Variants in ATP8A1 observed in about 807,000 individuals in gnomAD.
ATP8A1 encodes the protein ATPase phospholipid transporting 8A1, also known as phospholipid-transporting ATPase IA.
A neutral mutation model predicts 177.7 loss-of-function variants in ATP8A1; 90 were observed. That is an observed-to-expected ratio of 0.51 (90% CI 0.43 to 0.60). ATP8A1 has a LOEUF of 0.60. ATP8A1 is among the 20% of genes least tolerant of loss of function. The probability of loss-of-function intolerance (pLI) is 0.00; values close to 1 mark genes in which losing one functional copy is unlikely to be tolerated. For missense variants in ATP8A1, 1,072 were observed against 1,392.8 expected (o/e 0.77, Z 3.67); for synonymous variants, 493 against 485.9 (o/e 1.01, Z -0.19).
At chr4:42,608,755 G>A (rs1042019464) in intron 5 of ATP8A1, among the ~76,000 whole-genome samples, 1 of 152,212 alleles carries the variant, frequency 6.6e-6, no homozygotes, top group South Asian at 2.1e-4. Flanking sequence ...AAAATGTAGT[G>A]TGCTCCAATT....
intron 33 of ATP8A1, among the ~76,000 whole-genome samples, chr4:42,439,831 C>A (rs1716420692): frequency 1.3e-5 from 2 of 152,274 alleles, no homozygotes; most frequent in South Asian, 4.2e-4. Context: ...GATCAAATAC[C>A]ATGCATTCCT....
chr4:42,485,738 A>C lies in ATP8A1; in HGVS notation c.2152-70T>G, dbSNP rs543343556. ...TTTGTTCTACTAGGATGCCTTAAGG[A>C]TATTTGGCAACTACATTTAGTTATT... On this transcript the variant is annotated intron_variant, in intron 24 of 36. Transcript: ENST00000381668. The C allele has an allele frequency of 9.3e-6, 12 of 1,290,144 alleles. No individual in the cohort carries two copies. In the South Asian group the frequency reaches 1.9e-4, roughly 20 times the overall value. The allele number at this position is 1,290,144 out of a possible 1,614,324, so 79.9% of individuals were successfully genotyped here. A position where few individuals can be genotyped will look rare whatever the true frequency, so the allele number is the denominator to read the frequency against.
At chr4:42,494,168 A>C (rs1457666123) in intron 24 of ATP8A1, among the ~76,000 whole-genome samples, 25 of 132,136 alleles carry the variant, frequency 1.9e-4, no homozygotes, top group African/African-American at 9.2e-4. Flanking sequence ...GCCACAAAAA[A>C]AAAAAAAAAA....
chr4:42,502,628 G>C (rs533042039), intron 24 of ATP8A1, among the ~76,000 whole-genome samples: 1 of 152,124 alleles, frequency 6.6e-6, no homozygotes, highest in African/African-American at 2.4e-5. Flanking sequence ...AAGAAAAACT[G>C]TGCACCACCT....
chr4:42,432,961 T>A (rs1715474500), intron 33 of ATP8A1, among the ~76,000 whole-genome samples: 1 of 152,240 alleles, frequency 6.6e-6, no homozygotes, highest in Non-Finnish European at 1.5e-5. Flanking sequence ...ATCAATAGCA[T>A]TTATCACTTC....
chr4:42,564,355 C>T (rs1298352550), intron 15 of ATP8A1, among the ~76,000 whole-genome samples: 1 of 152,142 alleles, frequency 6.6e-6, no homozygotes, highest in Non-Finnish European at 1.5e-5. Context: ...GCACCATGCA[C>T]CTGGAAAAGC....
chr4:42,585,220 G>T (rs1733499713), intron 9 of ATP8A1, among the ~76,000 whole-genome samples: 1 of 152,056 alleles, frequency 6.6e-6, no homozygotes, highest in Admixed American at 6.6e-5. Flanking sequence ...ACAAAAAGTT[G>T]TTCCCTTCCA....
chr4:42,574,868 A>G (rs979787109), intron 13 of ATP8A1, among the ~76,000 whole-genome samples, 161 bp from the exon 14 acceptor site: 1 of 152,214 alleles, frequency 6.6e-6, no homozygotes. Flanking sequence ...CAGCTTTTTA[A>G]AAAGTATTTT....
intron 20 of ATP8A1, among the ~76,000 whole-genome samples, chr4:42,528,629 T>C (rs757529276): frequency 1.1e-4 from 17 of 152,100 alleles, no homozygotes; most frequent in Non-Finnish European, 2.2e-4. Flanking sequence ...CTCCTGCCTA[T>C]AAGGCCCACC....
At chr4:42,445,636 A>C (rs1717129659) in intron 31 of ATP8A1, among the ~76,000 whole-genome samples, 1 of 152,230 alleles carries the variant, frequency 6.6e-6, no homozygotes, top group Non-Finnish European at 1.5e-5. Flanking sequence ...ACAGCATGTG[A>C]TAAGACACTT....
At chr4:42,518,970 G>A (rs1420927159) in intron 22 of ATP8A1, among the ~76,000 whole-genome samples, 1 of 152,188 alleles carries the variant, frequency 6.6e-6, no homozygotes, top group African/African-American at 2.4e-5. Context: ...GATCAAGAAA[G>A]AAGTGATATA....
intron 1 of ATP8A1, among the ~76,000 whole-genome samples, chr4:42,639,217 A>T (rs776688221): frequency 1.2e-4 from 19 of 152,166 alleles, no homozygotes; most frequent in Admixed American, 5.9e-4. Context: ...CAAGCACAAG[A>T]TTAAAAAAAG....
intron 24 of ATP8A1, among the ~76,000 whole-genome samples, chr4:42,488,174 T>C (rs10517035): frequency 0.15 from 23,241 of 152,174 alleles, 2,217 homozygotes; most frequent in South Asian, 0.24. Context: ...ATACAAAATA[T>C]TTAGCACATA....
chr4:42,555,298 ATT>A (rs1730088828), intron 16 of ATP8A1, among the ~76,000 whole-genome samples: 3 of 151,910 alleles, frequency 2.0e-5, no homozygotes, highest in Admixed American at 6.6e-5. Context: ...TCTATTGTAT[ATT>A]TAGCCTATGG....
chr4:42,414,296 G>C (rs367662151), intron 36 of ATP8A1, among the ~76,000 whole-genome samples: 92 of 152,270 alleles, frequency 6.0e-4, no homozygotes, highest in African/African-American at 2.0e-3. Flanking sequence ...CTCTTGCAAA[G>C]TTATTCAAGT....
In ATP8A1 at chr4:42,656,852, C is replaced by A. The variant is rs947958934; in HGVS notation, c.22G>T (p.Val8Leu). 2.5e-6 allele frequency: 4 copies of A among 1,585,718 alleles called. No homozygotes were observed. Among genetic ancestry groups the A allele is most frequent in the Non-Finnish European group, 3.4e-6 (4 of 1,166,278 alleles). Residue 8 changes from valine to leucine, a missense_variant, in exon 1 of 37, where the codon GTG becomes TTG. By Grantham distance (32) the Val-to-Leu change is conservative. This residue lies in a region of ATP8A1 where 344 missense variants were observed against 393.5 expected (regional missense o/e 0.87). Transcript: ENST00000381668. Reference protein sequence around the residue: MPTMRRTVSEIRSRAEGY... With the variant: MPTMRRTLSEIRSRAEGY... ...TCGGCGCGCGAGCGGATCTCCGACA[C>A]GGTCCTCCGCATGGTGGGCATCGCG... is the stretch of plus-strand genomic sequence containing the variant.
intron 24 of ATP8A1, among the ~76,000 whole-genome samples, chr4:42,499,920 T>G (rs28448666): frequency 0.017 from 2,601 of 152,280 alleles, 70 homozygotes; most frequent in African/African-American, 0.059. Context: ...CTAAACGATA[T>G]AAAAGAGATG....
chr4:42,631,072 C>T (rs910350027), intron 1 of ATP8A1, among the ~76,000 whole-genome samples: 2 of 152,140 alleles, frequency 1.3e-5, no homozygotes, highest in East Asian at 1.9e-4. Context: ...AATAATGATA[C>T]AGTCATAGGC....
chr4:42,581,798 T>C, intron 9 of ATP8A1, 66 bp from the exon 10 acceptor site: 1 of 1,184,434 alleles, frequency 8.4e-7, no homozygotes, highest in East Asian at 2.4e-5. Flanking sequence ...CTAGTTACCA[T>C]ATAGTTACAA....
Sources: allele counts gnomAD v4.1 joint callset (sites outside exome capture counted in the v4.1 genomes callset), GRCh38; gene constraint gnomAD v4.1.1; regional missense constraint gnomAD v4.1.1; transcripts MANE v1.5; gene names NCBI Gene and HGNC (gene_info 2026-07-23, HGNC 2026-07-21).